NSD1: variants seen among roughly 807,000 people sequenced by gnomAD.
NSD1 encodes nuclear receptor binding SET domain protein 1.
NSD1 carries 26 observed loss-of-function variants against 242.7 expected under a neutral mutation model. The ratio of observed to expected loss-of-function variants is 0.11; its 90% CI spans 0.08 to 0.15. The LOEUF (loss-of-function observed/expected upper bound fraction) is 0.15, where lower values mean the gene tolerates loss of function less well. NSD1 is among the 10% of genes least tolerant of loss of function. NSD1 has a pLI of 1.00. For synonymous variants in NSD1, 1,106 were observed against 1,178.1 expected, an observed-to-expected ratio of 0.94 and a Z score of 1.25; for missense variants, 2,495 against 3,272.8, an observed-to-expected ratio of 0.76 and a Z score of 5.80.
intron 14 of NSD1, chr5:177,265,157 T>C (rs995326278): frequency 1.3e-6 from 1 of 762,054 alleles, no homozygotes; most frequent in Non-Finnish European, 2.4e-6. Flanking sequence ...ACTAGCTTGC[T>C]CCACTCAGAG....
Position 177,294,947 on chromosome 5 carries a change from T to G in NSD1, c.7579T>G (p.Trp2527Gly), listed in dbSNP as rs1760149628. The G allele has an allele frequency of 6.2e-7, 1 of 1,614,222 alleles. No individual in the cohort carries two copies. The highest frequency in any genetic ancestry group is 8.5e-7 in the Non-Finnish European group (1 of 1,180,048). Residue 2527 changes from tryptophan (W) to glycine (G), a missense_variant, in exon 23 of 23, where the codon TGG becomes GGG. Physicochemically the swap from Trp to Gly is radical, Grantham distance 184. Coordinates refer to ENST00000439151, the MANE Select transcript of NSD1 (RefSeq NM_022455.5). ...AGCAGCAGCCCCTTCAGAGGACCCCTGGCAAGCTGTTAAATCACTCACCCA... is the reference window on the plus strand; with the variant it reads ...AGCAGCAGCCCCTTCAGAGGACCCCGGGCAAGCTGTTAAATCACTCACCCA... ...GKAAAPSEDP[W>G]QAVKSLTQAR...
chr5:177,156,355 A>T (rs1183789369), intron 2 of NSD1, among the ~76,000 whole-genome samples: 5 of 151,224 alleles, frequency 3.3e-5, no homozygotes, highest in African/African-American at 1.2e-4. Context: ...TAATTTTTGT[A>T]TTTTTTGTAG....
At chr5:177,153,943 A>G (rs1757925350) in intron 2 of NSD1, among the ~76,000 whole-genome samples, 1 of 152,052 alleles carries the variant, frequency 6.6e-6, no homozygotes, top group African/African-American at 2.4e-5. Flanking sequence ...AGCTTAGAGG[A>G]GTAAATATTT....
intron 20 of NSD1, among the ~76,000 whole-genome samples, chr5:177,285,131 G>A (rs901231275): frequency 3.3e-5 from 5 of 152,112 alleles, no homozygotes; most frequent in African/African-American, 4.8e-5. Context: ...TGGCTGAGTG[G>A]TTTGACAGTA....
rs1581569852 is a variant in NSD1 at position 177,296,110 on chromosome 5, T to A, written c.*651T>A. The A allele has an allele frequency of 4.0e-6, 1 of 250,236 alleles. No individual in the cohort carries two copies. Among genetic ancestry groups the A allele is most frequent in the African/African-American group, 2.2e-5 (1 of 45,538 alleles). The allele number at this position is 250,236 out of a possible 1,614,324, so 15.5% of individuals were successfully genotyped here. ...TTGAGGAAGTGTCTCTTGGCTGCGG[T>A]GTGCATGGGTGCGTGTGCATGCGCG... On this transcript the variant is annotated 3_prime_UTR_variant, in exon 23 of 23. Coordinates refer to ENST00000439151, the MANE Select transcript of NSD1 (RefSeq NM_022455.5).
intron 2 of NSD1, among the ~76,000 whole-genome samples, chr5:177,180,892 A>G (rs1760608053): frequency 6.6e-6 from 1 of 150,608 alleles, no homozygotes; most frequent in South Asian, 2.1e-4. Flanking sequence ...CTTGTTATCC[A>G]GGCTGGTCTT....
Position 177,295,665 on chromosome 5 carries a change from C to A in NSD1, c.*206C>A. On this transcript the variant is annotated 3_prime_UTR_variant, in exon 23 of 23. Transcript: ENST00000439151. This position sits in a 1 kb window ranked among gnomAD's most constrained non-coding sequence, Gnocchi z 4.3. ...GGTTGTGTGAACCATGTATGAAAAT[C>A]CAGTGGGCCCCAACCAAGGAGACAG... 1.6e-6 allele frequency: 1 copy of A among 636,880 alleles called. No individual in the cohort carries two copies. Among genetic ancestry groups the A allele is most frequent in the Non-Finnish European group, 2.8e-6 (1 of 361,498 alleles). 39.5% of individuals were successfully genotyped at this position (636,880 alleles called of 1,614,324 possible).
intron 2 of NSD1, among the ~76,000 whole-genome samples, chr5:177,161,603 G>A (rs1256858907): frequency 6.6e-6 from 1 of 151,630 alleles, no homozygotes; most frequent in Admixed American, 6.6e-5. Flanking sequence ...GCAAACGATT[G>A]AAATTATATT....
At chr5:177,236,598 T>C (rs1253742857) in intron 6 of NSD1, among the ~76,000 whole-genome samples, 1 of 152,202 alleles carries the variant, frequency 6.6e-6, no homozygotes, top group Non-Finnish European at 1.5e-5. Context: ...ATCATGTCTA[T>C]AAGAGAGTGA....
chr5:177,152,177 G>C (rs116666636), intron 2 of NSD1, among the ~76,000 whole-genome samples: 12 of 151,594 alleles, frequency 7.9e-5, no homozygotes, highest in African/African-American at 2.9e-4. Context: ...GCTAATTTTT[G>C]TATTTTTTTG....
rs565999500 is a variant in NSD1 at position 177,246,546 on chromosome 5, C to T, written c.4379-132C>T. On this transcript the variant is annotated intron_variant, in intron 9 of 22. Coordinates refer to ENST00000439151, the MANE Select transcript of NSD1 (RefSeq NM_022455.5). ...ATGAGTTAGTCTCAATTATTATTTC[C>T]CCCGTTTTCCTAATCCACAAAGCTG... 6.8e-5 allele frequency: 48 copies of T among 709,102 alleles called. No homozygotes were observed. The East Asian group carries it at 1.2e-3, about 18-fold the overall frequency. 43.9% of individuals were successfully genotyped at this position (709,102 alleles called of 1,614,324 possible).
chr5:177,230,227 T>G (rs1764952326), intron 5 of NSD1, among the ~76,000 whole-genome samples: 1 of 152,170 alleles, frequency 6.6e-6, no homozygotes, highest in African/African-American at 2.4e-5. Context: ...GTTCAAGTGA[T>G]TCTCGTGCTT....
At chr5:177,283,022 C>T (rs982647196) in intron 19 of NSD1, among the ~76,000 whole-genome samples, 5 of 152,128 alleles carry the variant, frequency 3.3e-5, no homozygotes, top group African/African-American at 9.7e-5. Flanking sequence ...GGCATGATCT[C>T]GGCTTGCTGC....
chr5:177,176,335 C>T (rs1363710670), intron 2 of NSD1, among the ~76,000 whole-genome samples: 1 of 151,860 alleles, frequency 6.6e-6, no homozygotes, highest in Non-Finnish European at 1.5e-5. Flanking sequence ...TCTCGGCTCA[C>T]TGCAACATCC....
intron 5 of NSD1, among the ~76,000 whole-genome samples, chr5:177,224,365 G>A (rs1347625409): frequency 6.6e-6 from 1 of 151,942 alleles, no homozygotes; most frequent in African/African-American, 2.4e-5. Context: ...AATTTTCAGT[G>A]TATAAATTCT....
intron 2 of NSD1, among the ~76,000 whole-genome samples, chr5:177,173,578 A>G (rs966338070): frequency 2.7e-5 from 4 of 149,812 alleles, no homozygotes; most frequent in Middle Eastern, 3.4e-3. Context: ...GGTTCAAGCA[A>G]TTCTCCTGCC....
intron 19 of NSD1, 38 bp downstream of exon 19, chr5:177,282,619 T>G (rs750518263): frequency 2.1e-6 from 3 of 1,397,862 alleles, no homozygotes; most frequent in African/African-American, 2.8e-5. Context: ...TGTTACAAGA[T>G]TGTAAATTTG....
chr5:177,258,541 G>GTT (rs571615982), intron 13 of NSD1, among the ~76,000 whole-genome samples: 8 of 143,870 alleles, frequency 5.6e-5, no homozygotes, highest in East Asian at 4.1e-4. Flanking sequence ...GTTTGTTGTT[G>GTT]TTTTTTTTTT....
chr5:177,239,336 G>C (rs1370930182), intron 7 of NSD1, among the ~76,000 whole-genome samples: 1 of 152,156 alleles, frequency 6.6e-6, no homozygotes, highest in East Asian at 1.9e-4. Context: ...GTGATCCTAT[G>C]AATTATCTTT....
Sources: gnomAD v4.1 joint callset for allele counts (sites outside exome capture counted in the v4.1 genomes callset) on GRCh38, gnomAD v4.1.1 for gene constraint, Gnocchi (gnomAD v3.1) non-coding constraint, MANE v1.5 for transcripts, NCBI Gene and HGNC (gene_info 2026-07-23, HGNC 2026-07-21) for gene names.